Variants in PRKD3 observed in about 807,000 individuals in gnomAD.
PRKD3 encodes the protein serine/threonine-protein kinase D3.
PRKD3 carries 47 observed loss-of-function variants against 99.2 expected under a neutral mutation model. That is an observed-to-expected ratio of 0.47 (90% CI 0.38 to 0.60). PRKD3 has a LOEUF of 0.60. Ranked by LOEUF, PRKD3 falls within the 20% of genes least tolerant of loss-of-function variation. The pLI is 0.00. For synonymous variants in PRKD3, 392 were observed against 355.4 expected (o/e 1.10, Z -1.16); for missense variants, 1,019 against 1,088.4 (o/e 0.94, Z 0.90).
chr2:37,283,213 C>T (rs751791665), intron 6 of PRKD3, among the ~76,000 whole-genome samples: 12 of 152,178 alleles, frequency 7.9e-5, no homozygotes, highest in Admixed American at 2.6e-4. Flanking sequence ...ACTGTGGTCC[C>T]AGATCAGCTT....
intron 2 of PRKD3, among the ~76,000 whole-genome samples, chr2:37,294,601 A>G (rs1387036354): frequency 6.6e-6 from 1 of 152,188 alleles, no homozygotes; most frequent in Non-Finnish European, 1.5e-5. Context: ...CTAAGAGTGT[A>G]AGAATTCTCA....
At chr2:37,271,358 G>A (rs936601309) in intron 12 of PRKD3, among the ~76,000 whole-genome samples, 6 of 152,090 alleles carry the variant, frequency 3.9e-5, no homozygotes, top group Admixed American at 2.6e-4. Flanking sequence ...AATATTCTGT[G>A]ACATGTAAAT....
chr2:37,322,756 A>G (rs1558588661), intron 1 of PRKD3, among the ~76,000 whole-genome samples: 1 of 152,162 alleles, frequency 6.6e-6, no homozygotes, highest in Non-Finnish European at 1.5e-5. Flanking sequence ...GGCTACTCAA[A>G]GAGATACATA....
chr2:37,315,161 T>G (rs1267460711), intron 2 of PRKD3, among the ~76,000 whole-genome samples: 1 of 152,220 alleles, frequency 6.6e-6, no homozygotes, highest in African/African-American at 2.4e-5. Flanking sequence ...GAAACATGCT[T>G]GAAAATTCAT....
chr2:37,285,261 A>G (rs541867795), intron 6 of PRKD3, among the ~76,000 whole-genome samples: 1 of 152,348 alleles, frequency 6.6e-6, no homozygotes, highest in East Asian at 1.9e-4. Context: ...CATTGCTGAG[A>G]AGGTATGAGA....
intron 7 of PRKD3, among the ~76,000 whole-genome samples, chr2:37,280,581 A>G (rs1669808811): frequency 6.6e-6 from 1 of 152,228 alleles, no homozygotes; most frequent in Non-Finnish European, 1.5e-5. Context: ...TACATGCAAA[A>G]GAATGAACAT....
At chr2:37,309,173 A>G (rs1671305108) in intron 2 of PRKD3, among the ~76,000 whole-genome samples, 1 of 152,174 alleles carries the variant, frequency 6.6e-6, no homozygotes, top group Admixed American at 6.5e-5. Flanking sequence ...TAAAGATTTT[A>G]ATTTTATTTA....
intron 7 of PRKD3, among the ~76,000 whole-genome samples, chr2:37,281,318 G>C (rs1358690357): frequency 6.6e-6 from 1 of 152,136 alleles, no homozygotes; most frequent in Non-Finnish European, 1.5e-5. Context: ...AAAGACTTTA[G>C]TCATAGACAA....
chr2:37,266,017 C>T (rs924291714), intron 14 of PRKD3, among the ~76,000 whole-genome samples: 4 of 152,056 alleles, frequency 2.6e-5, no homozygotes, highest in Non-Finnish European at 4.4e-5. Flanking sequence ...AAATTAGATA[C>T]GCAAAAATAC....
In PRKD3 at chr2:37,290,970, G is replaced by GA; in HGVS notation, c.456dup (p.Arg153SerfsTer17). On this transcript the variant is annotated frameshift_variant, in exon 4 of 19. Transcript: ENST00000234179. LOFTEE classifies it high-confidence loss of function. ...GAATGTACATAGAGAGTATGTGGAC[G>GA]AATCTGGAAGTCTTCTACTGTGGCT... 6.2e-7 allele frequency: 1 copy of GA among 1,608,038 alleles called. No homozygotes were observed. The highest frequency in any genetic ancestry group is 8.5e-7 in the Non-Finnish European group (1 of 1,176,040).
In PRKD3 at chr2:37,300,544, CAAAG is replaced by C. The variant is rs574306723; in HGVS notation, c.289-7277_289-7274del. On this transcript the variant is annotated intron_variant, in intron 2 of 18. Coordinates refer to ENST00000234179, the MANE Select transcript of PRKD3 (RefSeq NM_005813.6). ...GAGTAGAATTGGACTGTTCCTAACA[CAAAG>C]AAATGATAAATATTTAAGGTGATGG... Among the ~76,000 whole-genome samples, 266 of 152,166 alleles carry C rather than the reference CAAAG, an allele frequency of 1.7e-3. 1 individual carries two copies. Among genetic ancestry groups the C allele is most frequent in the African/African-American group, 6.0e-3 (247 of 41,510 alleles).
intron 2 of PRKD3, among the ~76,000 whole-genome samples, chr2:37,308,333 C>A (rs1318941064): frequency 5.3e-5 from 8 of 152,110 alleles, no homozygotes; most frequent in Non-Finnish European, 1.5e-5. Flanking sequence ...AGTGAGCTGC[C>A]TGCTGTCCAG....
chr2:37,272,471 ATAT>A (rs763234415), intron 11 of PRKD3, 39 bp from the exon 12 acceptor site: 20 of 1,571,016 alleles, frequency 1.3e-5, no homozygotes, highest in Middle Eastern at 1.8e-4. Context: ...GTATATGACA[ATAT>A]TATTAATCTT....
At chr2:37,290,622 C>T (rs545876586) in intron 4 of PRKD3, among the ~76,000 whole-genome samples, 2 of 152,146 alleles carry the variant, frequency 1.3e-5, no homozygotes, top group Admixed American at 6.5e-5. Flanking sequence ...CTGATTTAAC[C>T]GTTTACTCTT....
intron 5 of PRKD3, among the ~76,000 whole-genome samples, chr2:37,288,925 G>A (rs1037982554): frequency 1.3e-5 from 2 of 152,014 alleles, no homozygotes; most frequent in East Asian, 1.9e-4. Context: ...GTAGTGGCAC[G>A]CATCTGTAAT....
At chr2:37,299,406 A>T (rs1452005709) in intron 2 of PRKD3, among the ~76,000 whole-genome samples, 1 of 152,002 alleles carries the variant, frequency 6.6e-6, no homozygotes, top group African/African-American at 2.4e-5. Context: ...ACAGTGACTC[A>T]CACTGATAAT....
chr2:37,257,692 AAAG>A (rs1243875899), intron 16 of PRKD3, among the ~76,000 whole-genome samples: 69 of 148,122 alleles, frequency 4.7e-4, no homozygotes, highest in South Asian at 1.9e-3. Context: ...AAAAAAAAAA[AAAG>A]TTACAGTATT....
intron 9 of PRKD3, among the ~76,000 whole-genome samples, chr2:37,277,033 G>A (rs566247567): frequency 6.6e-6 from 1 of 152,076 alleles, no homozygotes; most frequent in African/African-American, 2.4e-5. Flanking sequence ...ACACACTGCA[G>A]TCTATACTGT....
rs2124903921 is a variant in PRKD3, at chr2:37,316,707, C to T, written c.-183G>A. ...AGTTTTATCAAGGAGTTGAATGCCC[C>T]AAAGGTCCTATTTCTCTTAATATCA... is the stretch of plus-strand genomic sequence containing the variant. On this transcript the variant is annotated 5_prime_UTR_variant, in exon 2 of 19. Coordinates refer to ENST00000234179, the MANE Select transcript of PRKD3 (RefSeq NM_005813.6). 2.1e-6 allele frequency: 3 copies of T among 1,423,888 alleles called. No homozygotes were observed. In the South Asian group the frequency reaches 4.7e-5, roughly 22 times the overall value. The allele number at this position is 1,423,888 out of a possible 1,614,324, so 88.2% of individuals were successfully genotyped here.
Sources: gnomAD v4.1 joint callset for allele counts (sites outside exome capture counted in the v4.1 genomes callset) on GRCh38, gnomAD v4.1.1 for gene constraint, MANE v1.5 for transcripts, NCBI Gene and HGNC (gene_info 2026-07-23, HGNC 2026-07-21) for gene names.